The following CNTN3 variants were observed in gnomAD, a reference collection of about 807,000 sequenced individuals.
CNTN3 encodes the protein contactin 3.
Under a neutral mutation model 119.1 loss-of-function variants are expected in CNTN3, and 60 were observed. The observed-to-expected ratio is 0.50, with a 90% CI of 0.41 to 0.62. CNTN3 has a LOEUF of 0.62. Ranked by LOEUF, CNTN3 falls within the 20% of genes least tolerant of loss-of-function variation. The pLI is 0.00. For missense variants in CNTN3, 1,101 were observed against 1,242.4 expected (o/e 0.89, Z 1.71); for synonymous variants, 450 against 438.7 (o/e 1.03, Z -0.32).
At chr3:74,360,976 A>G (rs1469675455) in intron 11 of CNTN3, among the ~76,000 whole-genome samples, 1 of 151,960 alleles carries the variant, frequency 6.6e-6, no homozygotes, top group African/African-American at 2.4e-5. Flanking sequence ...CCTTAATTCT[A>G]CCTTCAAATT....
At chr3:74,603,180 G>C (rs1327794467) in intron 1 of CNTN3, among the ~76,000 whole-genome samples, 1 of 152,126 alleles carries the variant, frequency 6.6e-6, no homozygotes, top group African/African-American at 2.4e-5. Flanking sequence ...TCCAGTCTTT[G>C]TGCTTTTGCA....
chr3:74,445,468 T>C (rs1237119515), intron 4 of CNTN3, among the ~76,000 whole-genome samples: 2 of 152,142 alleles, frequency 1.3e-5, no homozygotes, highest in Non-Finnish European at 2.9e-5. Flanking sequence ...TTCACCATGT[T>C]GGCCAGGCTG....
intron 1 of CNTN3, among the ~76,000 whole-genome samples, chr3:74,534,266 T>C (rs566281878): frequency 1.3e-5 from 2 of 151,996 alleles, no homozygotes; most frequent in Non-Finnish European, 2.9e-5. Context: ...CTTATGCCCA[T>C]CACCCAACTT....
Position 74,334,804 on chromosome 3 carries a change from A to G in CNTN3, c.1599T>C (p.Phe533=). ...CAAGGGCCCCATTGAAATACCAGGTAAAGATGATGTCTAACAGCGGGTCAT... is the reference window on the plus strand; with the variant it reads ...CAAGGGCCCCATTGAAATACCAGGTGAAGATGATGTCTAACAGCGGGTCAT... The part of the protein sequence containing the change: ...VQHDPLLDII[F]TWYFNGALAD... Residue 533 remains phenylalanine, a synonymous_variant, in exon 13 of 23, where the codon TTT becomes TTC. Transcript: ENST00000263665. 1.2e-6 allele frequency: 2 copies of G among 1,613,658 alleles called. No individual in the cohort carries two copies. Among genetic ancestry groups the G allele is most frequent in the Middle Eastern group, 1.7e-4 (1 of 6,058 alleles).
intron 4 of CNTN3, among the ~76,000 whole-genome samples, chr3:74,433,837 T>C (rs1436976224): frequency 1.3e-5 from 2 of 152,220 alleles, no homozygotes; most frequent in African/African-American, 2.4e-5. Context: ...TTTGAAATTA[T>C]TGCTGTTCTT....
At chr3:74,370,867 A>AC (rs2106790917) in intron 6 of CNTN3, among the ~76,000 whole-genome samples, 1 of 152,184 alleles carries the variant, frequency 6.6e-6, no homozygotes, top group East Asian at 1.9e-4. Flanking sequence ...TGGGAGTGCA[A>AC]CCCGAGCCCC....
At position 74,521,136 on chromosome 3, in the gene CNTN3, A is replaced by T; in HGVS notation, c.-24T>A. 1 of 1,521,788 alleles carries T rather than the reference A, an allele frequency of 6.6e-7. No homozygotes were observed. The highest frequency in any genetic ancestry group is 9.1e-7 in the Non-Finnish European group (1 of 1,103,512). 94.3% of individuals were successfully genotyped at this position (1,521,788 alleles called of 1,614,324 possible). A position where few individuals can be genotyped will look rare whatever the true frequency, so the allele number is the denominator to read the frequency against. On this transcript the variant is annotated 5_prime_UTR_variant, in exon 2 of 23. Coordinates refer to ENST00000263665, the MANE Select transcript of CNTN3 (RefSeq NM_020872.3). ...ATCTTTAATTGCCAAATGCAAGAGT[A>T]ACTCTTGTCCAGTCTCTGATGAATA...
chr3:74,456,921 T>G (rs1476274502), intron 4 of CNTN3, among the ~76,000 whole-genome samples: 2 of 152,102 alleles, frequency 1.3e-5, no homozygotes, highest in Non-Finnish European at 2.9e-5. Flanking sequence ...TAAGTTTTTT[T>G]TATGTACACT....
intron 8 of CNTN3, among the ~76,000 whole-genome samples, chr3:74,367,965 C>T (rs1313478024): frequency 2.6e-5 from 4 of 152,034 alleles, no homozygotes; most frequent in Admixed American, 1.3e-4. Flanking sequence ...TAGAGCTGGA[C>T]AGCCACATGG....
chr3:74,596,906 T>C (rs1031243662), intron 1 of CNTN3, among the ~76,000 whole-genome samples: 1 of 152,110 alleles, frequency 6.6e-6, no homozygotes, highest in Non-Finnish European at 1.5e-5. Flanking sequence ...AACATCATTA[T>C]GTGCCATAAG....
intron 4 of CNTN3, among the ~76,000 whole-genome samples, chr3:74,483,876 G>A (rs1702805488): frequency 6.6e-6 from 1 of 151,976 alleles, no homozygotes; most frequent in African/African-American, 2.4e-5. Context: ...ATAAAGTGCT[G>A]GCCAAGAACT....
intron 20 of CNTN3, among the ~76,000 whole-genome samples, chr3:74,271,761 G>C (rs958639168): frequency 6.6e-6 from 1 of 152,040 alleles, no homozygotes; most frequent in Non-Finnish European, 1.5e-5. Context: ...TAAACATGTG[G>C]TATTGTGCAA....
chr3:74,336,424 T>C (rs1703397555), intron 12 of CNTN3, 107 bp downstream of exon 12: 5 of 1,188,144 alleles, frequency 4.2e-6, no homozygotes, highest in Non-Finnish European at 6.0e-6. Context: ...ATACAGGTTC[T>C]ACCTTCATAG....
chr3:74,365,310 A>T (rs1271543145), intron 9 of CNTN3, among the ~76,000 whole-genome samples: 1 of 152,130 alleles, frequency 6.6e-6, no homozygotes, highest in Admixed American at 6.6e-5. Flanking sequence ...AAAACGGTAG[A>T]TTATTTTACA....
At chr3:74,296,049 G>A (rs994579432) in intron 18 of CNTN3, among the ~76,000 whole-genome samples, 1 of 152,110 alleles carries the variant, frequency 6.6e-6, no homozygotes, top group Admixed American at 6.6e-5. Flanking sequence ...CTCTAGAAGA[G>A]CAGAACCATT....
In CNTN3 at chr3:74,301,654, G is replaced by A. The variant is rs1023271347; in HGVS notation, c.1938C>T (p.Val646=). The part of the protein sequence containing the change: ...RTPFSVGWQT[V]TTVPEVIDGK... ...CTGCCTCTCCTGCTTTACCTGTTGT[G>A]ACGGTTTGCCAACCCACGGAGAAAG... Residue 646 remains valine, a synonymous_variant, in exon 15 of 23, where the codon GTC becomes GTT. Coordinates refer to ENST00000263665, the MANE Select transcript of CNTN3 (RefSeq NM_020872.3). 9 of 1,613,992 alleles carry A rather than the reference G, an allele frequency of 5.6e-6. No individual in the cohort carries two copies. The highest frequency in any genetic ancestry group is 2.2e-5 in the East Asian group (1 of 44,866).
At chr3:74,312,519 G>A (rs1346211634) in intron 13 of CNTN3, among the ~76,000 whole-genome samples, 2 of 151,084 alleles carry the variant, frequency 1.3e-5, no homozygotes, top group Non-Finnish European at 2.9e-5. Context: ...ATCTGCTGGG[G>A]TTTTCTAAGA....
chr3:74,298,329 A>G (rs1702383459), intron 17 of CNTN3, 138 bp from the exon 18 acceptor site: 1 of 493,620 alleles, frequency 2.0e-6, no homozygotes, highest in Non-Finnish European at 3.5e-6. Context: ...GCATGAAAAA[A>G]GGAGAAAAAC....
chr3:74,527,185 T>C (rs1378086681), intron 1 of CNTN3, among the ~76,000 whole-genome samples: 3 of 151,966 alleles, frequency 2.0e-5, no homozygotes, highest in Non-Finnish European at 4.4e-5. Context: ...ATCTAAACTA[T>C]ACAAATTGAA....
Sources: allele counts gnomAD v4.1 joint callset (sites outside exome capture counted in the v4.1 genomes callset), GRCh38; gene constraint gnomAD v4.1.1; transcripts MANE v1.5; gene names NCBI Gene and HGNC (gene_info 2026-07-23, HGNC 2026-07-21).